The following CPNE1 variants were observed in gnomAD, a reference collection of about 807,000 sequenced individuals.
The protein encoded by CPNE1 is copine-1.
A neutral mutation model predicts 63.2 loss-of-function variants in CPNE1; 58 were observed. That is an observed-to-expected ratio of 0.92 (90% confidence interval 0.74 to 1.14). The LOEUF (loss-of-function observed/expected upper bound fraction) is 1.14. Among genes scored for constraint, CPNE1 ranks in the 50% most tolerant of loss-of-function variants. CPNE1 has a pLI of 0.00. For synonymous variants in CPNE1, 237 were observed against 249.0 expected (o/e 0.95, Z 0.45); for missense variants, 672 against 661.7 (o/e 1.02, Z -0.17).
chr20:35,627,672 G>T (rs1003199528), intron 13 of CPNE1: 3 of 361,678 alleles, frequency 8.3e-6, no homozygotes, highest in Non-Finnish European at 1.0e-5. Flanking sequence ...AGGAGAGTTT[G>T]AGCATCAGAT....
intron 1 of CPNE1, among the ~76,000 whole-genome samples, chr20:35,633,229 T>C (rs181077506): frequency 8.5e-5 from 13 of 152,312 alleles, no homozygotes; most frequent in Admixed American, 5.9e-4. Context: ...TTAATCCCAA[T>C]AGGGCTGTCC....
Position 35,647,290 on chromosome 20 carries a change from G to C in CPNE1, c.1-14367C>G, listed in dbSNP as rs372747532. The C allele has an allele frequency of 3.4e-5, 5 of 148,302 alleles. No individual in the cohort carries two copies. In the South Asian group the frequency reaches 1.1e-3, roughly 32 times the overall value. 9.2% of individuals were successfully genotyped at this position (148,302 alleles called of 1,614,324 possible). A position where few individuals can be genotyped will look rare whatever the true frequency, so the allele number is the denominator to read the frequency against. ...GATCACGCCATCGCACTCCAGCCTG[G>C]GGGACAAGCGTGAGACTTTGTCTCA... On this transcript the variant is annotated intron_variant, in intron 1 of 15. Coordinates refer to ENST00000397443, the MANE Select transcript of CPNE1 (RefSeq NM_152925.3).
chr20:35,652,790 C>A, intron 1 of CPNE1: 2 of 1,609,688 alleles, frequency 1.2e-6, no homozygotes, highest in Non-Finnish European at 1.7e-6. Context: ...GATGCAAAGC[C>A]AGGGGGACCA....
chr20:35,651,600 G>A (rs1162999887), intron 1 of CPNE1: 2 of 152,080 alleles, frequency 1.3e-5, no homozygotes, highest in Non-Finnish European at 2.9e-5. Flanking sequence ...ACATAATCGG[G>A]ACAGGAGGAA....
At chr20:35,629,748 TC>T (rs1397404316) in intron 13 of CPNE1, among the ~76,000 whole-genome samples, 1 of 151,254 alleles carries the variant, frequency 6.6e-6, no homozygotes, top group Non-Finnish European at 1.5e-5. Context: ...AACCTCAACC[TC>T]CTGGGCTCAG....
At chr20:35,636,126 T>C (rs948087193) in intron 1 of CPNE1, among the ~76,000 whole-genome samples, 1 of 152,224 alleles carries the variant, frequency 6.6e-6, no homozygotes, top group African/African-American at 2.4e-5. Flanking sequence ...AGCTGAAATC[T>C]GGAGAAACAG....
intron 13 of CPNE1, among the ~76,000 whole-genome samples, chr20:35,629,815 T>C (rs1601418348): frequency 6.6e-6 from 1 of 152,186 alleles, no homozygotes. Context: ...CCTGCCATCA[T>C]GCTCGGCTAA....
intron 1 of CPNE1, among the ~76,000 whole-genome samples, chr20:35,664,000 C>G (rs1461427452): frequency 1.3e-5 from 2 of 152,198 alleles, no homozygotes; most frequent in Non-Finnish European, 2.9e-5. Context: ...TCACAGCAGC[C>G]CCTTCCCTAC....
chr20:35,653,620 G>A, intron 1 of CPNE1: 1 of 1,614,092 alleles, frequency 6.2e-7, no homozygotes. Context: ...TTCATCCACT[G>A]GGATTCCTTC....
At chr20:35,633,017 C>T in intron 1 of CPNE1, 94 bp from the exon 2 acceptor site, 1 of 794,502 alleles carries the variant, frequency 1.3e-6, no homozygotes. Flanking sequence ...AGGCATCACC[C>T]AGGCAGGGCT....
At chr20:35,639,793 AG>A (rs1296007743) in intron 1 of CPNE1, among the ~76,000 whole-genome samples, 2 of 152,232 alleles carry the variant, frequency 1.3e-5, no homozygotes, top group Non-Finnish European at 2.9e-5. Flanking sequence ...TGTCCCCAAA[AG>A]AGATGCCCTT....
At chr20:35,630,382 C>G (rs2032039351) in intron 13 of CPNE1, 57 bp downstream of exon 13, 1 of 1,421,736 alleles carries the variant, frequency 7.0e-7, no homozygotes, top group African/African-American at 1.4e-5. Context: ...TTTACTCATG[C>G]AGGCTTGCCC....
chr20:35,645,340 A>T (rs1350524872), intron 1 of CPNE1, among the ~76,000 whole-genome samples: 1 of 152,194 alleles, frequency 6.6e-6, no homozygotes, highest in African/African-American at 2.4e-5. Context: ...TATTTCAACA[A>T]CAGGAAACTA....
At chr20:35,647,314 C>CAAAAAAAAA (rs66756734) in intron 1 of CPNE1, 1 of 88,174 alleles carries the variant, frequency 1.1e-5, no homozygotes, top group African/African-American at 4.4e-5. Flanking sequence ...GACTTTGTCT[C>CAAAAAAAAA]AAAAAAAAAA....
intron 1 of CPNE1, chr20:35,652,810 A>T: frequency 6.3e-7 from 1 of 1,592,954 alleles, no homozygotes; most frequent in Non-Finnish European, 8.6e-7. Context: ...ACCAATATGG[A>T]TTGGGCCAGG....
Position 35,630,956 on chromosome 20 carries a change from T to G in CPNE1, c.940A>C (p.Asn314His). 1 of 1,613,958 alleles carries G rather than the reference T, an allele frequency of 6.2e-7. No individual in the cohort carries two copies. The change falls in exon 11 of 16, where the codon AAT (asparagine) becomes CAT (histidine). Residue 314 changes from asparagine (N) to histidine (H), a missense_variant. Coordinates refer to ENST00000397443, the MANE Select transcript of CPNE1 (RefSeq NM_152925.3). ...SLHYLSPTGV[N>H]EYLMALWSVG... ...CTCCACAGTGCCATCAGGTACTCAT[T>G]GACCCCTGTTGGACTCAGGTAGTGT...
At chr20:35,663,661 G>A (rs536692991) in intron 1 of CPNE1, among the ~76,000 whole-genome samples, 2 of 152,154 alleles carry the variant, frequency 1.3e-5, no homozygotes, top group African/African-American at 2.4e-5. Context: ...ACGCAGATGA[G>A]TAAATGTTTA....
chr20:35,648,058 C>A (rs1162470676), intron 1 of CPNE1, among the ~76,000 whole-genome samples: 1 of 142,550 alleles, frequency 7.0e-6, no homozygotes, highest in Non-Finnish European at 1.5e-5. Context: ...GATACAGACT[C>A]CATCTCAAAA....
intron 1 of CPNE1, chr20:35,649,587 CTAA>C (rs1323639364): frequency 3.3e-5 from 5 of 152,594 alleles, no homozygotes; most frequent in African/African-American, 7.2e-5. Context: ...TAAAAAGCCA[CTAA>C]TAATAATTGT....
Sources: allele counts gnomAD v4.1 joint callset (sites outside exome capture counted in the v4.1 genomes callset), GRCh38; gene constraint gnomAD v4.1.1; transcripts MANE v1.5; gene names NCBI Gene and HGNC (gene_info 2026-07-23, HGNC 2026-07-21).